Variants in DLG1 observed in about 807,000 individuals in gnomAD.
The protein encoded by DLG1 is discs large MAGUK scaffold protein 1, also known as disks large homolog 1.
A neutral mutation model predicts 123.4 loss-of-function variants in DLG1; 42 were observed. The ratio of observed to expected loss-of-function variants is 0.34; its 90% CI spans 0.27 to 0.44. The LOEUF is 0.44. Ranked by LOEUF, DLG1 falls within the 20% of genes least tolerant of loss-of-function variation. The probability of loss-of-function intolerance (pLI) is 1.00; values close to 1 mark genes in which losing one functional copy is unlikely to be tolerated. For synonymous variants in DLG1, 317 were observed against 356.2 expected, an observed-to-expected ratio of 0.89 and a Z score of 1.24; for missense variants, 942 against 1,082.6, an observed-to-expected ratio of 0.87 and a Z score of 1.82.
chr3:197,114,421 GA>G (rs1771874984), intron 13 of DLG1, among the ~76,000 whole-genome samples: 1 of 152,174 alleles, frequency 6.6e-6, no homozygotes, highest in Admixed American at 6.5e-5. Context: ...CAACACGCCA[GA>G]CAACATAAAA....
At chr3:197,235,790 G>A (rs1260481083) in intron 4 of DLG1, among the ~76,000 whole-genome samples, 1 of 152,194 alleles carries the variant, frequency 6.6e-6, no homozygotes, top group African/African-American at 2.4e-5. Flanking sequence ...TGAGCCATCA[G>A]AGGAGGAAAG....
At chr3:197,288,774 A>AC (rs1560172746) in intron 3 of DLG1, among the ~76,000 whole-genome samples, 10 of 150,000 alleles carry the variant, frequency 6.7e-5, no homozygotes, top group African/African-American at 1.5e-4. Context: ...ATACATACAT[A>AC]AAATGGTAGA....
At chr3:197,247,185 G>A (rs1209167886) in intron 4 of DLG1, among the ~76,000 whole-genome samples, 1 of 152,220 alleles carries the variant, frequency 6.6e-6, no homozygotes, top group Non-Finnish European at 1.5e-5. Context: ...TTGCTTAGAG[G>A]TGGAGGGGAA....
chr3:197,151,317 A>G (rs1793738588), intron 5 of DLG1, among the ~76,000 whole-genome samples: 1 of 152,212 alleles, frequency 6.6e-6, no homozygotes, highest in South Asian at 2.1e-4. Flanking sequence ...TTTACCAAAC[A>G]TGCAGTGGAA....
intron 4 of DLG1, among the ~76,000 whole-genome samples, chr3:197,196,001 A>G (rs371704320): frequency 2.6e-5 from 4 of 152,080 alleles, no homozygotes; most frequent in East Asian, 1.9e-4. Flanking sequence ...CATTCACAGT[A>G]GAGGCCTTTT....
chr3:197,188,012 T>A (rs1305772784), intron 5 of DLG1, among the ~76,000 whole-genome samples: 1 of 152,096 alleles, frequency 6.6e-6, no homozygotes, highest in Admixed American at 6.6e-5. Flanking sequence ...ATTATTCCAG[T>A]AAGGAGAGCC....
chr3:197,206,100 A>G (rs1404575960), intron 4 of DLG1, among the ~76,000 whole-genome samples: 2 of 152,162 alleles, frequency 1.3e-5, no homozygotes, highest in African/African-American at 4.8e-5. Context: ...GGGGCTATCT[A>G]TAGGGCACAG....
At chr3:197,293,094 C>T (rs1055269995) in intron 3 of DLG1, among the ~76,000 whole-genome samples, 51 of 152,152 alleles carry the variant, frequency 3.4e-4, no homozygotes, top group Admixed American at 3.2e-3. Flanking sequence ...AACTTAAGCA[C>T]AAAAAACTGG....
At chr3:197,194,328 G>A (rs967758338) in intron 5 of DLG1, 97 bp downstream of exon 5, 8 of 771,132 alleles carry the variant, frequency 1.0e-5, no homozygotes, top group South Asian at 7.4e-5. Flanking sequence ...GGGGTAGGGC[G>A]AACCTACATG....
At chr3:197,118,307 TG>T (rs1183932441) in intron 12 of DLG1, among the ~76,000 whole-genome samples, 1 of 152,190 alleles carries the variant, frequency 6.6e-6, no homozygotes, top group African/African-American at 2.4e-5. Flanking sequence ...TAAAAATAAA[TG>T]GCAATGAAAG....
chr3:197,107,142 G>C (rs1766940557), intron 13 of DLG1, among the ~76,000 whole-genome samples: 1 of 152,128 alleles, frequency 6.6e-6, no homozygotes, highest in Admixed American at 6.5e-5. Flanking sequence ...GTAGCCATCT[G>C]TGCTTGGCTT....
intron 17 of DLG1, among the ~76,000 whole-genome samples, chr3:197,079,332 C>CT (rs1306214302): frequency 6.6e-6 from 1 of 152,042 alleles, no homozygotes; most frequent in Non-Finnish European, 1.5e-5. Context: ...TGTTGTAAGT[C>CT]TGTAGTAAAA....
At chr3:197,173,030 G>A (rs868419395) in intron 5 of DLG1, among the ~76,000 whole-genome samples, 3 of 152,130 alleles carry the variant, frequency 2.0e-5, no homozygotes, top group Non-Finnish European at 4.4e-5. Context: ...AGCTACTTCT[G>A]TAAGTTAGTC....
intron 11 of DLG1, among the ~76,000 whole-genome samples, chr3:197,128,703 C>A (rs1781009013): frequency 6.6e-6 from 1 of 152,146 alleles, no homozygotes; most frequent in Admixed American, 6.5e-5. Context: ...CAAAATTATT[C>A]CTTGATCCAT....
intron 6 of DLG1, among the ~76,000 whole-genome samples, chr3:197,143,178 T>C (rs1788906354): frequency 1.3e-5 from 2 of 152,230 alleles, no homozygotes; most frequent in East Asian, 3.8e-4. Context: ...AATGGAATAC[T>C]GTCAATGCAG....
At chr3:197,101,411 A>C (rs1248177776) in intron 14 of DLG1, among the ~76,000 whole-genome samples, 1 of 151,238 alleles carries the variant, frequency 6.6e-6, no homozygotes, top group Non-Finnish European at 1.5e-5. Context: ...TTTGAGACAG[A>C]GTCTCGCTCT....
At chr3:197,070,565 A>ATTTTTTTTCTTTTTTTTTT (rs1743061920) in intron 18 of DLG1, 1 of 76,190 alleles carries the variant, frequency 1.3e-5, no homozygotes, top group Non-Finnish European at 2.6e-5. Context: ...TGGAAATTTC[A>ATTTTTTTTCTTTTTTTTTT]TTTTTTTTTT....
chr3:197,211,615 G>A lies in DLG1; in HGVS notation c.319-17026C>T, dbSNP rs997047830. Among the ~76,000 whole-genome samples, 69 of 146,694 alleles carry A rather than the reference G, an allele frequency of 4.7e-4. 3 individuals are homozygous for A. The highest frequency in any genetic ancestry group is 1.6e-3 in the African/African-American group (65 of 41,236). ...TAAAAAGTCAAAAAAACAGATGCTG[G>A]TGAGGTTATGGAGAAAAGGGAATAC... On this transcript the variant is annotated intron_variant, in intron 4 of 24. Coordinates refer to ENST00000667157, the MANE Select transcript of DLG1 (RefSeq NM_001366207.1).
intron 6 of DLG1, among the ~76,000 whole-genome samples, chr3:197,148,169 CG>C (rs1453502599): frequency 7.0e-6 from 1 of 142,022 alleles, no homozygotes; most frequent in African/African-American, 2.6e-5. Flanking sequence ...GAGGCTGAGG[CG>C]GGCTGGATGA....
Sources: allele counts gnomAD v4.1 joint callset (sites outside exome capture counted in the v4.1 genomes callset), GRCh38; gene constraint gnomAD v4.1.1; transcripts MANE v1.5; gene names NCBI Gene and HGNC (gene_info 2026-07-23, HGNC 2026-07-21).